Variants in MINAR1 observed in about 807,000 individuals in gnomAD.
MINAR1 encodes the protein membrane integral NOTCH2 associated receptor 1.
Under a neutral mutation model 65.1 loss-of-function variants are expected in MINAR1, and 40 were observed. The observed-to-expected ratio is 0.61, with a 90% CI of 0.48 to 0.80. The LOEUF (loss-of-function observed/expected upper bound fraction) is 0.80, where lower values mean the gene tolerates loss of function less well. Among genes scored for constraint, MINAR1 ranks in the 30% least tolerant of loss-of-function variants. The probability of loss-of-function intolerance (pLI) is 0.00; values close to 1 mark genes in which losing one functional copy is unlikely to be tolerated. For missense variants in MINAR1, 1,128 were observed against 1,148.0 expected (o/e 0.98, Z 0.25); for synonymous variants, 482 against 449.1 (o/e 1.07, Z -0.93).
At chr15:79,420,647 T>G in the MINAR1 span, 1 of 152,218 alleles carries the variant, frequency 6.6e-6, no homozygotes, top group African/African-American at 2.4e-5. Flanking sequence ...CTAATTGATA[T>G]GAGGCGAATT....
intron 2 of MINAR1, among the ~76,000 whole-genome samples, chr15:79,461,129 G>C (rs1035405009): frequency 1.3e-5 from 2 of 152,196 alleles, no homozygotes; most frequent in Non-Finnish European, 2.9e-5. Flanking sequence ...TTGAAAATAC[G>C]TATTATGTAT....
chr15:79,460,972 T>TGTA (rs2141300210), intron 2 of MINAR1, among the ~76,000 whole-genome samples: 1 of 152,344 alleles, frequency 6.6e-6, no homozygotes, highest in African/African-American at 2.4e-5. Context: ...ACCAAGACTC[T>TGTA]CTGGTCCACC....
chr15:79,428,608 A>T (rs1425044028), upstream of MINAR1, among the ~76,000 whole-genome samples: 4 of 150,930 alleles, frequency 2.7e-5, no homozygotes, highest in African/African-American at 9.8e-5. Context: ...TGAGGCTTCC[A>T]CTTTCCATTT....
chr15:79,462,688 A>G lies in MINAR1; in HGVS notation c.2299-379A>G, dbSNP rs148727551. ...CATTAATATCAGTAGTTAAACAACG[A>G]CTCTAAAGCCAGATGATCAGGTTTA... On this transcript the variant is annotated intron_variant, in intron 2 of 3. Coordinates refer to ENST00000305428, the MANE Select transcript of MINAR1 (RefSeq NM_015206.3). Among the ~76,000 whole-genome samples, 733 of 152,036 alleles carry G rather than the reference A, an allele frequency of 4.8e-3. 8 individuals carry two copies. The highest frequency in any genetic ancestry group is 0.017 in the African/African-American group (697 of 41,456).
At chr15:79,430,813 CGT>C (rs1460928394), upstream of MINAR1, among the ~76,000 whole-genome samples, 1 of 152,168 alleles carries the variant, frequency 6.6e-6, no homozygotes, top group East Asian at 1.9e-4. Context: ...GTTGTCAACA[CGT>C]ATCACCCTGA....
chr15:79,423,500 T>C, the MINAR1 span: 2 of 152,204 alleles, frequency 1.3e-5, no homozygotes, highest in East Asian at 1.9e-4. Flanking sequence ...TATTTAACAA[T>C]AACCGACACT....
At position 79,457,363 on chromosome 15, in the gene MINAR1, C is replaced by T; in HGVS notation, c.1216C>T (p.Pro406Ser). Residue 406 changes from proline (P) to serine (S), a missense_variant, in exon 2 of 4, where the codon CCA (proline) becomes TCA (serine). Coordinates refer to ENST00000305428, the MANE Select transcript of MINAR1 (RefSeq NM_015206.3). ...TGCCAGTAGCCAGACCCCCAATTTC[C>T]CAGCCCCAGAAAGGCGCCCAACTTA... is the stretch of plus-strand genomic sequence containing the variant. ...PNASSQTPNFPAPERRPTYLV... is the reference protein window; with the variant it reads ...PNASSQTPNFSAPERRPTYLV... 4.3e-6 allele frequency: 7 copies of T among 1,614,170 alleles called. No individual in the cohort carries two copies. Among genetic ancestry groups the T allele is most frequent in the South Asian group, 2.2e-5 (2 of 91,086 alleles).
At chr15:79,463,405 C>G in intron 3 of MINAR1, 84 bp downstream of exon 3, 1 of 1,532,400 alleles carries the variant, frequency 6.5e-7, no homozygotes, top group Non-Finnish European at 8.9e-7. Context: ...CGGCTTAGAC[C>G]GGCCAGCCCA....
intron 2 of MINAR1, among the ~76,000 whole-genome samples, chr15:79,461,280 CTT>C (rs1427925851): frequency 6.6e-6 from 1 of 150,404 alleles, no homozygotes; most frequent in Non-Finnish European, 1.5e-5. Flanking sequence ...GGGTCAGTCT[CTT>C]AACCTGAGTT....
In MINAR1 at chr15:79,458,074, C is replaced by T; in HGVS notation, c.1927C>T (p.Gln643Ter). The T allele has an allele frequency of 1.2e-6, 2 of 1,614,156 alleles. No individual in the cohort carries two copies. Among genetic ancestry groups the T allele is most frequent in the Non-Finnish European group, 1.7e-6 (2 of 1,180,048 alleles). The part of the protein sequence containing the change: ...KMQQPEKVSV[Q>*]IDLNSLTSEG... ...GCAACAGCCTGAGAAGGTGAGTGTGCAGATAGATCTGAACTCCTTGACAAG... is the reference window on the plus strand; with the variant it reads ...GCAACAGCCTGAGAAGGTGAGTGTGTAGATAGATCTGAACTCCTTGACAAG... Residue 643 changes from glutamine (Q) to a stop codon, truncating the protein, a stop_gained, in exon 2 of 4, where the codon CAG becomes TAG. Transcript: ENST00000305428. LOFTEE classifies it high-confidence loss of function.
intron 3 of MINAR1, chr15:79,463,550 T>C (rs1895730111): frequency 1.5e-6 from 1 of 660,478 alleles, no homozygotes; most frequent in South Asian, 1.7e-5. Context: ...GAATGCTTGA[T>C]TGATTTATGT....
At chr15:79,461,608 G>T (rs764556847) in intron 2 of MINAR1, among the ~76,000 whole-genome samples, 23 of 152,180 alleles carry the variant, frequency 1.5e-4, no homozygotes, top group Non-Finnish European at 3.2e-4. Context: ...TCTTGTGTGG[G>T]TTTATCCTGT....
chr15:79,465,969 C>T (rs931091673), intron 3 of MINAR1, among the ~76,000 whole-genome samples: 2 of 152,026 alleles, frequency 1.3e-5, no homozygotes, highest in African/African-American at 2.4e-5. Context: ...AGAGGCGGTC[C>T]AACAGTCAGG....
the MINAR1 span, chr15:79,416,398 G>A: frequency 6.6e-6 from 1 of 152,166 alleles, no homozygotes; most frequent in Admixed American, 6.5e-5. Flanking sequence ...CAAAAATATT[G>A]GCCAGCCAGG....
chr15:79,437,529 G>GT (rs1483579290), intron 1 of MINAR1, among the ~76,000 whole-genome samples: 12 of 150,914 alleles, frequency 8.0e-5, no homozygotes, highest in African/African-American at 2.7e-4. Context: ...GTGTGGATAG[G>GT]TAATGAGTGA....
At chr15:79,432,089 G>A (rs1894455812), upstream of MINAR1, among the ~76,000 whole-genome samples, 1 of 152,086 alleles carries the variant, frequency 6.6e-6, no homozygotes, top group Non-Finnish European at 1.5e-5. Context: ...GGCCCGCGCT[G>A]CTCCCAGCCT....
intron 1 of MINAR1, among the ~76,000 whole-genome samples, chr15:79,449,441 G>A (rs1388455853): frequency 1.3e-5 from 2 of 152,168 alleles, no homozygotes; most frequent in East Asian, 1.9e-4. Flanking sequence ...TCTGGAGGCC[G>A]GGAAGTCCAA....
intron 3 of MINAR1, among the ~76,000 whole-genome samples, chr15:79,467,708 C>T (rs1895920105): frequency 1.3e-5 from 2 of 152,070 alleles, no homozygotes; most frequent in Non-Finnish European, 1.5e-5. Flanking sequence ...CTTGGAGGTT[C>T]CTTTGATTTT....
Position 79,468,588 on chromosome 15 carries a change from C to T in MINAR1, c.*204C>T. Reference sequence around the variant, plus strand: ...ACCTATTAGCTTTGACTCAATTACACTCTGACGCATTTTTAGAAGTGCAAT... The same window carrying T: ...ACCTATTAGCTTTGACTCAATTACATTCTGACGCATTTTTAGAAGTGCAAT... On this transcript the variant is annotated 3_prime_UTR_variant, in exon 4 of 4. Coordinates refer to ENST00000305428, the MANE Select transcript of MINAR1 (RefSeq NM_015206.3). 1.8e-6 allele frequency: 1 copy of T among 569,098 alleles called. No individual in the cohort carries two copies. The highest frequency in any genetic ancestry group is 2.3e-5 in the South Asian group (1 of 43,960). The allele number at this position is 569,098 out of a possible 1,614,324, so 35.3% of individuals were successfully genotyped here.
Sources: allele counts gnomAD v4.1 joint callset (sites outside exome capture counted in the v4.1 genomes callset), GRCh38; gene constraint gnomAD v4.1.1; transcripts MANE v1.5; gene names NCBI Gene and HGNC (gene_info 2026-07-23, HGNC 2026-07-21).